Variants in RASAL3 observed in about 807,000 individuals in gnomAD.
RASAL3 encodes RAS protein activator like 3.
In RASAL3, 74 loss-of-function variants were observed where a neutral mutation model predicts 105.5. The observed-to-expected ratio is 0.70, with a 90% CI of 0.58 to 0.85. The LOEUF (loss-of-function observed/expected upper bound fraction) is 0.85, where lower values mean the gene tolerates loss of function less well. Among genes scored for constraint, RASAL3 ranks in the 40% least tolerant of loss-of-function variants. The pLI is 0.00. For synonymous variants in RASAL3, 579 were observed against 591.6 expected (o/e 0.98, Z 0.31); for missense variants, 1,352 against 1,392.0 (o/e 0.97, Z 0.46).
In RASAL3 at chr19:15,458,300, C is replaced by T. The variant is rs192054014; in HGVS notation, c.888+28G>A. 2,867 of 1,600,676 alleles carry T rather than the reference C, an allele frequency of 1.8e-3. 60 individuals are homozygous for T. In the Admixed American group the frequency reaches 0.037, roughly 21 times the overall value. ...GGGCCAGGCCTGTGGGCGGGGTCTC[C>T]GTGTCCCGCTTTTCTGAGGGCAATG... On this transcript the variant is annotated intron_variant, in intron 8 of 17. Coordinates refer to ENST00000343625, the MANE Select transcript of RASAL3 (RefSeq NM_022904.3).
At position 15,464,221 on chromosome 19, in the gene RASAL3, C is replaced by G. The variant is rs1404724547; in HGVS notation, c.138G>C (p.Trp46Cys). The G allele has an allele frequency of 6.8e-6, 11 of 1,609,684 alleles. No homozygotes were observed. Among genetic ancestry groups the G allele is most frequent in the Non-Finnish European group, 9.3e-6 (11 of 1,178,656 alleles). The change falls in exon 2 of 18, where the codon TGG (tryptophan) becomes TGC (cysteine). Residue 46 changes from tryptophan to cysteine, a missense_variant. By Grantham distance (215) the Trp-to-Cys change is radical. Coordinates refer to ENST00000343625, the MANE Select transcript of RASAL3 (RefSeq NM_022904.3). The stretch of plus-strand genomic sequence containing the variant: ...GCTCCTGGTGGCTCAGGGCCCTGCC[C>G]CAGCCAGCAAAGCGGCCCCAGCGGA... ...GGFRWGRFAG[W>C]GRALSHQEPM... is the part of the protein sequence containing the mutation.
Position 15,457,243 on chromosome 19 carries a change from T to C in RASAL3, c.1431+49A>G. 6 of 1,232,998 alleles carry C rather than the reference T, an allele frequency of 4.9e-6. No individual in the cohort carries two copies. Among genetic ancestry groups the C allele is most frequent in the Non-Finnish European group, 5.1e-6 (5 of 983,848 alleles). The allele number at this position is 1,232,998 out of a possible 1,614,324, so 76.4% of individuals were successfully genotyped here. A position where few individuals can be genotyped will look rare whatever the true frequency, so the allele number is the denominator to read the frequency against. ...GCCCCAACTCCTGCCCGAAGCGCGT[T>C]ATCGGTCTACCCCTGGTAGCCCCGG... On this transcript the variant is annotated intron_variant, in intron 9 of 17. Transcript: ENST00000343625. This position sits in a 1 kb window ranked among gnomAD's most constrained non-coding sequence, Gnocchi z 8.6.
intron 6 of RASAL3, among the ~76,000 whole-genome samples, chr19:15,459,088 G>A (rs1240365770): frequency 1.3e-5 from 2 of 151,928 alleles, no homozygotes; most frequent in Non-Finnish European, 1.5e-5. Context: ...CCACCACCAT[G>A]CCTGGCTAAT....
Position 15,456,743 on chromosome 19 carries a change from G to C in RASAL3, c.1432-97C>G, listed in dbSNP as rs1970334196. 1 of 1,396,770 alleles carries C rather than the reference G, an allele frequency of 7.2e-7. No homozygotes were observed. The highest frequency in any genetic ancestry group is 9.7e-7 in the Non-Finnish European group (1 of 1,027,196). The allele number at this position is 1,396,770 out of a possible 1,614,324, so 86.5% of individuals were successfully genotyped here. On this transcript the variant is annotated intron_variant, in intron 9 of 17. Transcript: ENST00000343625. The surrounding 1 kb of genome is among the most constrained non-coding windows in gnomAD (Gnocchi z 4.4). The stretch of plus-strand genomic sequence containing the variant: ...CCCTCACACCAGAGGCACAGGCCCC[G>C]CCCCTTGTAGCTGATGCTTAGGCCC...
At position 15,457,760 on chromosome 19, in the gene RASAL3, C is replaced by T. The variant is rs570446533; in HGVS notation, c.963G>A (p.Ala321=). ...HEAKGLPRAA[A]GAPGVRAELW... Reference sequence around the variant, plus strand: ...GCTCGGCGCGCACGCCGGGTGCCCCCGCCGCTGCTCGGGGAAGCCCCTTCG... The same window carrying T: ...GCTCGGCGCGCACGCCGGGTGCCCCTGCCGCTGCTCGGGGAAGCCCCTTCG... Residue 321 remains alanine, a synonymous_variant, in exon 9 of 18, where the codon GCG becomes GCA. Coordinates refer to ENST00000343625, the MANE Select transcript of RASAL3 (RefSeq NM_022904.3). The surrounding 1 kb of genome is among the most constrained non-coding windows in gnomAD (Gnocchi z 8.6). 2,146 of 1,545,800 alleles carry T rather than the reference C, an allele frequency of 1.4e-3. 5 individuals are homozygous for T. The highest frequency in any genetic ancestry group is 1.1e-3 in the Non-Finnish European group (1,264 of 1,145,702).
rs150427700 is a variant in RASAL3 at position 15,458,606 on chromosome 19, G to A, written c.712C>T (p.Leu238=). The A allele has an allele frequency of 6.3e-4, 1,023 of 1,613,664 alleles. 6 individuals carry two copies. The African/African-American group carries it at 0.011, about 17-fold the overall frequency. ...ACATCCCGCTCGGCACCCAGGTCCA[G>A]TTCAGAGAGTGTGGCCAGCGACTCC... The part of the protein sequence containing the change: ...SRESLATLSE[L]DLGAERDVRI... Residue 238 remains leucine (L), a synonymous_variant, in exon 7 of 18, where the codon CTG becomes TTG. Coordinates refer to ENST00000343625, the MANE Select transcript of RASAL3 (RefSeq NM_022904.3).
rs776097889 is a variant in RASAL3 at position 15,464,026 on chromosome 19, T to C, written c.328+5A>G. On this transcript the variant is annotated splice_donor_5th_base_variant and intron_variant, in intron 2 of 17. Coordinates refer to ENST00000343625, the MANE Select transcript of RASAL3 (RefSeq NM_022904.3). The stretch of plus-strand genomic sequence containing the variant: ...GCCCAAGCTCAGGGTGGGGGAACCA[T>C]GTACCTGGGGCCTCCTGCTCCGGCT... The C allele has an allele frequency of 2.6e-6, 4 of 1,542,996 alleles. No homozygotes were observed. Among genetic ancestry groups the C allele is most frequent in the Non-Finnish European group, 2.6e-6 (3 of 1,145,304 alleles).
At position 15,456,261 on chromosome 19, in the gene RASAL3, A is replaced by C. The variant is rs771642802; in HGVS notation, c.1577-13T>G. 6.2e-7 allele frequency: 1 copy of C among 1,611,800 alleles called. No homozygotes were observed. The highest frequency in any genetic ancestry group is 1.1e-5 in the South Asian group (1 of 91,026). On this transcript the variant is annotated splice_polypyrimidine_tract_variant and intron_variant, in intron 10 of 17. Transcript: ENST00000343625. This position sits in a 1 kb window ranked among gnomAD's most constrained non-coding sequence, Gnocchi z 4.4. ...CGCACAACCTGTCCTGCAGCCCAGC[A>C]CAGCCAGATAGGGGCTGGGGCCATG... is the stretch of plus-strand genomic sequence containing the variant.
intron 15 of RASAL3, 104 bp from the exon 16 acceptor site, chr19:15,452,919 G>T: frequency 1.4e-6 from 2 of 1,460,834 alleles, no homozygotes; most frequent in Non-Finnish European, 1.8e-6. Context: ...TCACCGGCCT[G>T]CCTAGTTGGG....
chr19:15,453,530 A>C lies in RASAL3; in HGVS notation c.2280-33T>G. ...TGGGATGGAGGATCTTAGACCCTCCACTGGCCCCTGAGACGACCCCATCCC... is the reference window on the plus strand; with the variant it reads ...TGGGATGGAGGATCTTAGACCCTCCCCTGGCCCCTGAGACGACCCCATCCC... On this transcript the variant is annotated intron_variant, in intron 14 of 17. Transcript: ENST00000343625. The surrounding 1 kb of genome is among the most constrained non-coding windows in gnomAD (Gnocchi z 4.2). 6.8e-7 allele frequency: 1 copy of C among 1,479,550 alleles called. No individual in the cohort carries two copies. The highest frequency in any genetic ancestry group is 2.4e-4 in the Middle Eastern group (1 of 4,162). The allele number at this position is 1,479,550 out of a possible 1,614,324, so 91.7% of individuals were successfully genotyped here. A position where few individuals can be genotyped will look rare whatever the true frequency, so the allele number is the denominator to read the frequency against.
In RASAL3 at chr19:15,453,582, C is replaced by A; in HGVS notation, c.2280-85G>T. 4 of 1,332,804 alleles carry A rather than the reference C, an allele frequency of 3.0e-6. No individual in the cohort carries two copies. The highest frequency in any genetic ancestry group is 3.9e-6 in the Non-Finnish European group (4 of 1,019,146). The allele number at this position is 1,332,804 out of a possible 1,614,324, so 82.6% of individuals were successfully genotyped here. A position where few individuals can be genotyped will look rare whatever the true frequency, so the allele number is the denominator to read the frequency against. ...ACCTGACCAGAAGTGACCTCACCCC[C>A]CACGTGAACTTGTCCTTTCTTTTTT... On this transcript the variant is annotated intron_variant, in intron 14 of 17. Transcript: ENST00000343625. The surrounding 1 kb of genome is among the most constrained non-coding windows in gnomAD (Gnocchi z 4.2).
At position 15,458,621 on chromosome 19, in the gene RASAL3, C is replaced by G. The variant is rs762316553; in HGVS notation, c.697G>C (p.Ala233Pro). ...PSALGSRESL[A>P]TLSELDLGAE... ...CCCAGGTCCAGTTCAGAGAGTGTGG[C>G]CAGCGACTCCCTAGAGCCCAGAGCA... The change falls in exon 7 of 18, where the codon GCC becomes CCC. Residue 233 changes from alanine to proline, a missense_variant. Physicochemically the swap from Ala to Pro is conservative, Grantham distance 27 (BLOSUM62 -1). Transcript: ENST00000343625. The G allele has an allele frequency of 9.9e-6, 16 of 1,613,412 alleles. No individual in the cohort carries two copies. The highest frequency in any genetic ancestry group is 1.4e-5 in the Non-Finnish European group (16 of 1,179,734).
chr19:15,458,377 T>G lies in RASAL3; in HGVS notation c.839A>C (p.Glu280Ala). The stretch of plus-strand genomic sequence containing the variant: ...AAGGTCCTCGATCCAGCGGTCTCTC[T>G]CAGCGGCCGAGCGACAAGAGAAGCA... ...SRCFSCRSAA[E>A]RDRWIEDLRR... is the part of the protein sequence containing the mutation. Residue 280 changes from glutamate to alanine, a missense_variant, in exon 8 of 18, where the codon GAG becomes GCG. Physicochemically the swap from Glu to Ala is moderately radical, Grantham distance 107. This residue lies in a region of RASAL3 where 88 missense variants were observed against 132.7 expected (regional missense o/e 0.66). Transcript: ENST00000343625. 1.2e-6 allele frequency: 2 copies of G among 1,613,936 alleles called. No individual in the cohort carries two copies. The highest frequency in any genetic ancestry group is 1.7e-6 in the Non-Finnish European group (2 of 1,179,870).
At chr19:15,452,629 G>T (rs1358805960) in intron 16 of RASAL3, 29 bp downstream of exon 16, 1 of 1,498,410 alleles carries the variant, frequency 6.7e-7, no homozygotes, top group South Asian at 1.3e-5. Context: ...CCACCTGGGG[G>T]CGGAGCTAAT....
Position 15,454,853 on chromosome 19 carries a change from G to T in RASAL3, c.1762C>A (p.Arg588=), listed in dbSNP as rs1188283904. Residue 588 remains arginine, a synonymous_variant, in exon 12 of 18, where the codon CGA becomes AGA. Transcript: ENST00000343625. ...AELGIVFSSW[R]EACKERGSEV... ...GAGCCACGTTCTTTACATGCTTCTC[G>T]CCAGCTTGAGAACACGATGCCCAGC... 1 of 1,575,376 alleles carries T rather than the reference G, an allele frequency of 6.3e-7. No individual in the cohort carries two copies. The highest frequency in any genetic ancestry group is 8.6e-7 in the Non-Finnish European group (1 of 1,160,966).
Position 15,452,650 on chromosome 19 carries a change from G to A in RASAL3, c.2828+8C>T. ...GGGGGCGGAGCTAATGGAGAGGGCT[G>A]GGCTCACCCAGCACGGAGCCTGGAG... On this transcript the variant is annotated splice_region_variant and intron_variant, in intron 16 of 17. Coordinates refer to ENST00000343625, the MANE Select transcript of RASAL3 (RefSeq NM_022904.3). 6.5e-7 allele frequency: 1 copy of A among 1,539,320 alleles called. No homozygotes were observed. The highest frequency in any genetic ancestry group is 1.4e-5 in the African/African-American group (1 of 72,824).
At chr19:15,462,485 C>CAAAACAAAAACAAAAACA (rs148793585) in intron 2 of RASAL3, among the ~76,000 whole-genome samples, 8,060 of 149,444 alleles carry the variant, frequency 0.054, 311 homozygotes, top group African/African-American at 0.11. Flanking sequence ...GACTGTGTCT[C>CAAAACAAAAACAAAAACA]AAAACAAAAA....
Position 15,457,305 on chromosome 19 carries a change from G to A in RASAL3, c.1418C>T (p.Thr473Ile), listed in dbSNP as rs916427987. 4.6e-6 allele frequency: 6 copies of A among 1,304,672 alleles called. No homozygotes were observed. Among genetic ancestry groups the A allele is most frequent in the African/African-American group, 1.6e-5 (1 of 63,640 alleles). 80.8% of individuals were successfully genotyped at this position (1,304,672 alleles called of 1,614,324 possible). ...AAAMVRVLRA[T>I]GRAQALVTDL... ...GCGGTGCCGCACCTGCGCCCGGCCG[G>A]TGGCCCGCAGCACGCGCACCATGGC... Residue 473 changes from threonine to isoleucine, a missense_variant, in exon 9 of 18, where the codon ACC becomes ATC. Transcript: ENST00000343625. This position sits in a 1 kb window ranked among gnomAD's most constrained non-coding sequence, Gnocchi z 8.6.
At chr19:15,463,448 C>T (rs1970575493) in intron 2 of RASAL3, among the ~76,000 whole-genome samples, 1 of 152,138 alleles carries the variant, frequency 6.6e-6, no homozygotes, top group African/African-American at 2.4e-5. Context: ...ACTGTGAGCT[C>T]CATGGGGCAG....
Sources: allele counts gnomAD v4.1 joint callset (sites outside exome capture counted in the v4.1 genomes callset), GRCh38; gene constraint gnomAD v4.1.1; regional missense constraint gnomAD v4.1.1; non-coding constraint Gnocchi (gnomAD v3.1); transcripts MANE v1.5; gene names NCBI Gene and HGNC (gene_info 2026-07-23, HGNC 2026-07-21).